LYG1: variants seen among roughly 807,000 people sequenced by gnomAD.
The protein encoded by LYG1 is lysozyme g-like protein 1.
LYG1 carries 17 observed loss-of-function variants against 21.7 expected under a neutral mutation model. The observed-to-expected ratio is 0.78, with a 90% CI of 0.54 to 1.18. The LOEUF (loss-of-function observed/expected upper bound fraction) is 1.18. Ranked by LOEUF, LYG1 falls within the 50% of genes most tolerant of loss-of-function variation. The probability of loss-of-function intolerance (pLI) is 0.00; values close to 1 mark genes in which losing one functional copy is unlikely to be tolerated. For synonymous variants in LYG1, 81 were observed against 87.4 expected (o/e 0.93, Z 0.41); for missense variants, 211 against 238.1 (o/e 0.89, Z 0.75).
In LYG1 at chr2:99,284,691, T is replaced by G; in HGVS notation, c.463A>C (p.Arg155=). ...TGACTGATAGCGTTACACGTACCTC[T>G]CAGGTACTGGTCAGGGGTCCAGGTT... ...FPTWTPDQYL[R]GGLCAYSGGA... The change falls in exon 6 of 7, where the codon AGA becomes CGA. Residue 155 remains arginine (R), a synonymous_variant. Transcript: ENST00000308528. The G allele has an allele frequency of 1.2e-6, 2 of 1,614,130 alleles. No individual in the cohort carries two copies. The highest frequency in any genetic ancestry group is 1.7e-6 in the Non-Finnish European group (2 of 1,179,970).
At chr2:99,298,131 G>A (rs1218381783) in intron 2 of LYG1, among the ~76,000 whole-genome samples, 1 of 152,230 alleles carries the variant, frequency 6.6e-6, no homozygotes, top group African/African-American at 2.4e-5. Flanking sequence ...GTTTAGAAGA[G>A]ATTGTTGAGA....
chr2:99,301,455 A>G (rs1371698711), upstream of LYG1, among the ~76,000 whole-genome samples: 1 of 138,194 alleles, frequency 7.2e-6, no homozygotes, highest in Non-Finnish European at 1.5e-5. Context: ...GAAGGGAGGA[A>G]GGGAAGAGGA....
intron 5 of LYG1, 145 bp downstream of exon 5, chr2:99,291,092 A>G: frequency 1.5e-6 from 1 of 677,646 alleles, no homozygotes; most frequent in Non-Finnish European, 2.4e-6. Context: ...GTTGCTGCTC[A>G]TATCTCTCAG....
At chr2:99,291,012 C>T (rs1013053262) in intron 5 of LYG1, among the ~76,000 whole-genome samples, 4 of 152,064 alleles carry the variant, frequency 2.6e-5, no homozygotes, top group Admixed American at 6.6e-5. Context: ...TAGGGTGGCC[C>T]GGATGATATT....
chr2:99,298,617 G>A (rs2094144378), intron 1 of LYG1, 68 bp from the exon 2 acceptor site: 2 of 152,194 alleles, frequency 1.3e-5, no homozygotes, highest in Admixed American at 6.5e-5. Context: ...TTCCATGAAT[G>A]CTCTCAATCT....
Position 99,295,551 on chromosome 2 carries a change from G to A in LYG1, c.43+77C>T. On this transcript the variant is annotated intron_variant, in intron 3 of 6. Coordinates refer to ENST00000308528, the MANE Select transcript of LYG1 (RefSeq NM_174898.3). ...ATAATCTTTTTTGTTGCATTTTCAA[G>A]TATTAGAAGTGCCATTGTGTTCCTG... 3 of 1,506,646 alleles carry A rather than the reference G, an allele frequency of 2.0e-6. No individual in the cohort carries two copies. In the East Asian group the frequency reaches 6.8e-5, roughly 34 times the overall value. The allele number at this position is 1,506,646 out of a possible 1,614,324, so 93.3% of individuals were successfully genotyped here. A position where few individuals can be genotyped will look rare whatever the true frequency, so the allele number is the denominator to read the frequency against.
chr2:99,302,895 G>A (rs954468537), upstream of LYG1, among the ~76,000 whole-genome samples: 1 of 151,884 alleles, frequency 6.6e-6, no homozygotes, highest in African/African-American at 2.4e-5. Flanking sequence ...GCACACACCA[G>A]TAATCCCAGC....
chr2:99,284,498 G>A lies in LYG1; in HGVS notation c.480C>T (p.Ala160=), dbSNP rs755958672. 6.2e-7 allele frequency: 1 copy of A among 1,614,100 alleles called. No individual in the cohort carries two copies. Among genetic ancestry groups the A allele is most frequent in the South Asian group, 1.1e-5 (1 of 91,076 alleles). The part of the protein sequence containing the change: ...PDQYLRGGLC[A]YSGGAGYVRS... ...GGACATAGCCAGCACCCCCACTGTA[G>A]GCACAGAGTCCACCTGAAATGCATG... is the stretch of plus-strand genomic sequence containing the variant. The change falls in exon 7 of 7, where the codon GCC becomes GCT. Residue 160 remains alanine (A), a synonymous_variant. Coordinates refer to ENST00000308528, the MANE Select transcript of LYG1 (RefSeq NM_174898.3).
rs184925247 is a variant in LYG1 at position 99,300,523 on chromosome 2, C to T, written c.-124+527G>A. Among the ~76,000 whole-genome samples, 82 of 152,214 alleles carry T rather than the reference C, an allele frequency of 5.4e-4. 1 individual carries two copies. The highest frequency in any genetic ancestry group is 5.9e-5 in the Non-Finnish European group (4 of 68,018). On this transcript the variant is annotated intron_variant, in intron 1 of 6. Coordinates refer to ENST00000308528, the MANE Select transcript of LYG1 (RefSeq NM_174898.3). ...GTATCTGTCTTTTTAGTCTGTTAGC[C>T]GAGGCTGTTAGACATGTTGGCCTTA...
In LYG1 at chr2:99,291,409, G is replaced by C; in HGVS notation, c.161C>G (p.Ser54Cys). 1.9e-6 allele frequency: 3 copies of C among 1,614,126 alleles called. No homozygotes were observed. The highest frequency in any genetic ancestry group is 2.5e-6 in the Non-Finnish European group (3 of 1,180,016). The stretch of plus-strand genomic sequence containing the variant: ...CATGTCTATTTCAGCCAGCCTTTCA[G>C]AAGCACGAACTCCTAAACCAAACGC... Reference protein sequence around the residue: ...HGLNYCGVRASERLAEIDMPY... With the variant: ...HGLNYCGVRACERLAEIDMPY... Residue 54 changes from serine (S) to cysteine (C), a missense_variant, in exon 5 of 7, where the codon TCT (serine) becomes TGT (cysteine). Transcript: ENST00000308528.
intron 5 of LYG1, among the ~76,000 whole-genome samples, chr2:99,288,766 C>T (rs749351262): frequency 3.9e-5 from 6 of 152,128 alleles, no homozygotes; most frequent in Non-Finnish European, 7.3e-5. Context: ...GACAGGATTT[C>T]ACCTTGTTGG....
intron 3 of LYG1, among the ~76,000 whole-genome samples, chr2:99,294,320 T>C (rs1046590673): frequency 2.6e-5 from 4 of 152,258 alleles, no homozygotes; most frequent in Admixed American, 2.6e-4. Context: ...TATAATCATA[T>C]GTGTCCTGTG....
At chr2:99,290,014 A>G in intron 5 of LYG1, among the ~76,000 whole-genome samples, 1 of 151,964 alleles carries the variant, frequency 6.6e-6, no homozygotes, top group South Asian at 2.1e-4. Flanking sequence ...ATGCACCACC[A>G]TGGCCAGCTA....
intron 6 of LYG1, 78 bp from the exon 7 acceptor site, chr2:99,284,589 C>T: frequency 6.3e-7 from 1 of 1,592,168 alleles, no homozygotes; most frequent in Non-Finnish European, 8.6e-7. Flanking sequence ...AACTACCTAA[C>T]AGGAGGCAGC....
In LYG1 at chr2:99,292,644, C is replaced by T; in HGVS notation, c.44-4G>A. The T allele has an allele frequency of 6.2e-7, 1 of 1,610,182 alleles. No homozygotes were observed. The highest frequency in any genetic ancestry group is 1.1e-5 in the South Asian group (1 of 91,014). On this transcript the variant is annotated splice_region_variant and splice_polypyrimidine_tract_variant and intron_variant, in intron 3 of 6. Transcript: ENST00000308528. ...CAGTTGCTGCTTTCAGACAAGTCTA[C>T]AAGTTGAGAAAAGTTCAGCCTAAGG...
rs1014469268 is a variant in LYG1, at chr2:99,292,448, C to T, written c.148+88G>A. The T allele has an allele frequency of 1.0e-5, 10 of 987,296 alleles. 1 individual carries two copies. Among genetic ancestry groups the T allele is most frequent in the Admixed American group, 3.8e-5 (2 of 52,754 alleles). 61.2% of individuals were successfully genotyped at this position (987,296 alleles called of 1,614,324 possible). On this transcript the variant is annotated intron_variant, in intron 4 of 6. Transcript: ENST00000308528. ...AAGCAGAGCTTTGGGACCCCATACC[C>T]GGAACTCTTTCCAACACTCAGTAGC...
rs552525792 is a variant in LYG1 at position 99,287,482 on chromosome 2, G to A, written c.334-2662C>T. On this transcript the variant is annotated intron_variant, in intron 5 of 6. Transcript: ENST00000308528. ...TGTACAACAAACCCCCATGACACAC[G>A]TTTACCTGTGGAACAAACCTGCACA... 9.9e-5 allele frequency among the ~76,000 whole-genome samples: 15 copies of A among 152,100 alleles called. 1 individual carries two copies. In the South Asian group the frequency reaches 1.5e-3, roughly 15 times the overall value.
Position 99,295,641 on chromosome 2 carries a change from GAGGCCCAGCAGC to G in LYG1, c.18_29del (p.Leu8_Leu11del). ...AGCCACACTCACCCATCAGGGCAAG[GAGGCCCAGCAGC>G]AGCCACAATGCAGACATGATGACGA... is the stretch of plus-strand genomic sequence containing the variant. On this transcript the variant is annotated inframe_deletion, in exon 3 of 7. Coordinates refer to ENST00000308528, the MANE Select transcript of LYG1 (RefSeq NM_174898.3). 1 of 1,614,158 alleles carries G rather than the reference GAGGCCCAGCAGC, an allele frequency of 6.2e-7. No homozygotes were observed. The highest frequency in any genetic ancestry group is 1.1e-5 in the South Asian group (1 of 91,082).
chr2:99,299,469 G>T (rs1381261969), intron 1 of LYG1, among the ~76,000 whole-genome samples: 5 of 150,528 alleles, frequency 3.3e-5, no homozygotes, highest in African/African-American at 4.9e-5. Flanking sequence ...TGTCACCTAG[G>T]CTGGAGTGAA....
Sources: allele counts gnomAD v4.1 joint callset (sites outside exome capture counted in the v4.1 genomes callset), GRCh38; gene constraint gnomAD v4.1.1; transcripts MANE v1.5; gene names NCBI Gene and HGNC (gene_info 2026-07-23, HGNC 2026-07-21).